The following MED13 variants were observed in gnomAD, a reference collection of about 807,000 sequenced individuals.
The protein encoded by MED13 is mediator of RNA polymerase II transcription subunit 13.
Under a neutral mutation model 225.2 loss-of-function variants are expected in MED13, and 23 were observed. That is an observed-to-expected ratio of 0.10 (90% CI 0.07 to 0.14). The LOEUF (loss-of-function observed/expected upper bound fraction) is 0.14. Ranked by LOEUF, MED13 falls within the 10% of genes least tolerant of loss-of-function variation. MED13 has a pLI of 1.00. For missense variants in MED13, 2,197 were observed against 2,594.5 expected (o/e 0.85, Z 3.33); for synonymous variants, 942 against 889.2 (o/e 1.06, Z -1.06).
intron 16 of MED13, among the ~76,000 whole-genome samples, chr17:61,980,947 A>C (rs1603396352): frequency 1.3e-5 from 2 of 151,718 alleles, no homozygotes; most frequent in East Asian, 3.9e-4. Context: ...GCTGGTCTCA[A>C]ACTCCTGGCC....
chr17:62,048,056 A>ATG (rs1001550260), intron 3 of MED13, among the ~76,000 whole-genome samples: 3 of 145,152 alleles, frequency 2.1e-5, no homozygotes, highest in South Asian at 2.1e-4. Flanking sequence ...ATATATATAT[A>ATG]TATATATGTA....
At position 62,010,960 on chromosome 17, in the gene MED13, A is replaced by T; in HGVS notation, c.1557T>A (p.Thr519=). The T allele has an allele frequency of 6.2e-7, 1 of 1,612,914 alleles. No individual in the cohort carries two copies. Among genetic ancestry groups the T allele is most frequent in the Non-Finnish European group, 8.5e-7 (1 of 1,178,942 alleles). Residue 519 remains threonine (T), a synonymous_variant, in exon 9 of 30, where the codon ACT becomes ACA. Coordinates refer to ENST00000397786, the MANE Select transcript of MED13 (RefSeq NM_005121.3). ...SNIRTNDVAK[T]PQMHGTEMAN... ...CCATTTCGGTGCCATGCATCTGAGG[A>T]GTCTTTGCTACATCATTAGTTCGGA...
chr17:62,002,361 C>T (rs959973632), intron 9 of MED13, among the ~76,000 whole-genome samples: 19 of 152,076 alleles, frequency 1.2e-4, no homozygotes, highest in South Asian at 6.2e-4. Context: ...TGGTGGCACA[C>T]GCCTGTAATC....
At chr17:62,016,955 G>T (rs2080588129) in intron 8 of MED13, among the ~76,000 whole-genome samples, 1 of 151,738 alleles carries the variant, frequency 6.6e-6, no homozygotes, top group Non-Finnish European at 1.5e-5. Context: ...GGTTGCAAGT[G>T]AGCCAAGATC....
At chr17:61,974,557 A>T (rs2080137474) in intron 16 of MED13, among the ~76,000 whole-genome samples, 1 of 152,158 alleles carries the variant, frequency 6.6e-6, no homozygotes, top group South Asian at 2.1e-4. Flanking sequence ...CCATAACCTA[A>T]AAGTTAAAAA....
chr17:62,014,410 G>A (rs1380690939), intron 8 of MED13, among the ~76,000 whole-genome samples: 1 of 151,648 alleles, frequency 6.6e-6, no homozygotes, highest in East Asian at 1.9e-4. Context: ...TCTGGCTCCT[G>A]CGTTCAAGCG....
At chr17:62,038,305 G>A (rs1164571456) in intron 3 of MED13, among the ~76,000 whole-genome samples, 2 of 152,020 alleles carry the variant, frequency 1.3e-5, no homozygotes. Context: ...CTGAGGCTGA[G>A]GTAGAAGGAA....
chr17:61,984,153 T>C lies in MED13; in HGVS notation c.2888+18A>G. ...CTGTATAAGCAGTCACATACTATTGTAACAACATAAATCATACCCCTCTTT... is the reference window on the plus strand; with the variant it reads ...CTGTATAAGCAGTCACATACTATTGCAACAACATAAATCATACCCCTCTTT... On this transcript the variant is annotated intron_variant, in intron 15 of 29. Coordinates refer to ENST00000397786, the MANE Select transcript of MED13 (RefSeq NM_005121.3). 1 of 1,489,860 alleles carries C rather than the reference T, an allele frequency of 6.7e-7. No individual in the cohort carries two copies. The highest frequency in any genetic ancestry group is 8.9e-7 in the Non-Finnish European group (1 of 1,120,388). 92.3% of individuals were successfully genotyped at this position (1,489,860 alleles called of 1,614,324 possible).
In MED13 at chr17:61,961,706, G is replaced by T; in HGVS notation, c.5138C>A (p.Ser1713Tyr). 1 of 1,613,984 alleles carries T rather than the reference G, an allele frequency of 6.2e-7. No homozygotes were observed. The highest frequency in any genetic ancestry group is 8.5e-7 in the Non-Finnish European group (1 of 1,179,962). ...DREIYPQHLK[S>Y]LAFSAFTQCR... The stretch of plus-strand genomic sequence containing the variant: ...CTGGGTAAAGGCCGAAAAAGCCAGG[G>T]ATTTTAAATGCTGGGGATAGATTTC... Residue 1713 changes from serine (S) to tyrosine (Y), a missense_variant, in exon 22 of 30, where the codon TCC becomes TAC. This residue lies in a region of MED13 where 457 missense variants were observed against 442.2 expected (regional missense o/e 1.03). Transcript: ENST00000397786.
At position 61,956,480 on chromosome 17, in the gene MED13, C is replaced by A. The variant is rs759285144; in HGVS notation, c.5482G>T (p.Ala1828Ser). The change falls in exon 24 of 30, where the codon GCT becomes TCT. Residue 1828 changes from alanine to serine, a missense_variant and splice_region_variant. Ala to Ser is a moderately conservative substitution (Grantham distance 99, BLOSUM62 1). This residue lies in a region of MED13 where 78 missense variants were observed against 82.1 expected (regional missense o/e 0.95). Coordinates refer to ENST00000397786, the MANE Select transcript of MED13 (RefSeq NM_005121.3). ...CIINIDVPNRARRKKSSARKF... is the reference protein window; with the variant it reads ...CIINIDVPNRSRRKKSSARKF... ...CTAGCAGAACTTTTTTTCCGACGAG[C>A]CCTATTGTGTGAATAAAGAGAGTGT... The A allele has an allele frequency of 3.7e-6, 6 of 1,603,174 alleles. No individual in the cohort carries two copies. Among genetic ancestry groups the A allele is most frequent in the Middle Eastern group, 1.7e-4 (1 of 6,000 alleles).
chr17:62,051,851 C>G (rs1353144771), intron 3 of MED13, among the ~76,000 whole-genome samples: 1 of 152,184 alleles, frequency 6.6e-6, no homozygotes, highest in Admixed American at 6.5e-5. Context: ...AACTCAATGA[C>G]TGCTGGGAAC....
At chr17:62,018,078 C>G (rs1375090935) in intron 8 of MED13, among the ~76,000 whole-genome samples, 1 of 152,152 alleles carries the variant, frequency 6.6e-6, no homozygotes, top group Non-Finnish European at 1.5e-5. Flanking sequence ...AGCTTGACTG[C>G]TAAACAATGA....
chr17:61,979,570 A>T (rs977340299), intron 16 of MED13, among the ~76,000 whole-genome samples: 1 of 152,090 alleles, frequency 6.6e-6, no homozygotes, highest in Non-Finnish European at 1.5e-5. Flanking sequence ...CAGCCTCCCA[A>T]ATGCTGGGAT....
intron 26 of MED13, among the ~76,000 whole-genome samples, chr17:61,953,872 T>C (rs1485337882): frequency 6.6e-6 from 1 of 152,194 alleles, no homozygotes; most frequent in Non-Finnish European, 1.5e-5. Flanking sequence ...CCCACCCCCA[T>C]ACCCACATAG....
intron 16 of MED13, among the ~76,000 whole-genome samples, chr17:61,975,618 C>T (rs989596189): frequency 6.6e-6 from 1 of 152,180 alleles, no homozygotes; most frequent in African/African-American, 2.4e-5. Context: ...ATCAGGGAGG[C>T]TGAGGCACAA....
In MED13 at chr17:62,016,779, C is replaced by T. The variant is rs1453039473; in HGVS notation, c.1284-5546G>A. Among the ~76,000 whole-genome samples, 6 of 152,098 alleles carry T rather than the reference C, an allele frequency of 3.9e-5. No homozygotes were observed. The South Asian group carries it at 1.0e-3, about 26-fold the overall frequency. Reference sequence around the variant, plus strand: ...ATCCCAGCACTTTGGGAGGCCAAGGCGGACGGAACACCTGAGGTCGGGGGT... The same window carrying T: ...ATCCCAGCACTTTGGGAGGCCAAGGTGGACGGAACACCTGAGGTCGGGGGT... On this transcript the variant is annotated intron_variant, in intron 8 of 29. Coordinates refer to ENST00000397786, the MANE Select transcript of MED13 (RefSeq NM_005121.3).
rs73336428 is a variant in MED13 at position 62,030,309 on chromosome 17, G to A, written c.1010-296C>T. On this transcript the variant is annotated intron_variant, in intron 6 of 29. Coordinates refer to ENST00000397786, the MANE Select transcript of MED13 (RefSeq NM_005121.3). Reference sequence around the variant, plus strand: ...GAGGTGGGCTGAGGGCAAGGAAGGAGGTGTCCCATGGATCATGCTGTATAA... The same window carrying A: ...GAGGTGGGCTGAGGGCAAGGAAGGAAGTGTCCCATGGATCATGCTGTATAA... The A allele has an allele frequency of 3.8e-3, 1,005 of 265,102 alleles. 8 individuals carry two copies. Among genetic ancestry groups the A allele is most frequent in the African/African-American group, 0.02 (918 of 45,368 alleles). The allele number at this position is 265,102 out of a possible 1,614,324, so 16.4% of individuals were successfully genotyped here.
Position 61,962,850 on chromosome 17 carries a change from T to C in MED13, c.4966A>G (p.Thr1656Ala), listed in dbSNP as rs766003685. 4 of 1,614,136 alleles carry C rather than the reference T, an allele frequency of 2.5e-6. No homozygotes were observed. The East Asian group carries it at 6.7e-5, about 27-fold the overall frequency. Residue 1656 changes from threonine to alanine, a missense_variant, in exon 21 of 30, where the codon ACT becomes GCT. Thr to Ala is a moderately conservative substitution (Grantham distance 58). Transcript: ENST00000397786. Reference protein sequence around the residue: ...PFTYENTDESTNSSSVWTLGL... With the variant: ...PFTYENTDESANSSSVWTLGL... ...AATGTCCACACACTAGAAGAGTTAG[T>C]GCTCTCGTCTGTATTTTCGTATGTA...
intron 4 of MED13, among the ~76,000 whole-genome samples, chr17:62,034,508 T>C (rs1208749951): frequency 1.4e-5 from 2 of 147,324 alleles, no homozygotes; most frequent in African/African-American, 5.0e-5. Context: ...AAAAAAAAAT[T>C]GTCTGCCCAA....
Sources: gnomAD v4.1 joint callset for allele counts (sites outside exome capture counted in the v4.1 genomes callset) on GRCh38, gnomAD v4.1.1 for gene constraint, gnomAD v4.1.1 regional missense constraint, MANE v1.5 for transcripts, NCBI Gene and HGNC (gene_info 2026-07-23, HGNC 2026-07-21) for gene names.